The following KRT27 variants were observed in gnomAD, a reference collection of about 807,000 sequenced individuals.
The protein encoded by KRT27 is keratin 27.
KRT27 carries 30 observed loss-of-function variants against 45.3 expected under a neutral mutation model. The ratio of observed to expected loss-of-function variants is 0.66; its 90% CI spans 0.50 to 0.90. The LOEUF (loss-of-function observed/expected upper bound fraction) is 0.90. KRT27 is among the 40% of genes least tolerant of loss of function. The pLI, the probability that KRT27 is intolerant of heterozygous loss-of-function variation, is 0.00. For missense variants in KRT27, 610 were observed against 564.3 expected (o/e 1.08, Z -0.82); for synonymous variants, 204 against 223.9 (o/e 0.91, Z 0.79).
chr17:40,777,932 G>A (rs2038279121), intron 5 of KRT27, 200 bp from the exon 6 acceptor site: 2 of 618,700 alleles, frequency 3.2e-6, no homozygotes. Context: ...GACACAGCTG[G>A]TGCTGAATGT....
rs769534325 is a variant in KRT27, at chr17:40,781,281, A to C, written c.445-11T>G. Reference sequence around the variant, plus strand: ...AGTTGCAGAAATTATCTGACAAATGAAAAGTTAGTTAAGATTGAGGAAATA... The same window carrying C: ...AGTTGCAGAAATTATCTGACAAATGCAAAGTTAGTTAAGATTGAGGAAATA... On this transcript the variant is annotated splice_polypyrimidine_tract_variant and intron_variant, in intron 1 of 7. Coordinates refer to ENST00000301656, the MANE Select transcript of KRT27 (RefSeq NM_181537.4). 1 of 1,541,442 alleles carries C rather than the reference A, an allele frequency of 6.5e-7. No homozygotes were observed. The highest frequency in any genetic ancestry group is 1.1e-5 in the South Asian group (1 of 87,266).
intron 6 of KRT27, 80 bp downstream of exon 6, chr17:40,777,435 A>C (rs768580353): frequency 1.3e-6 from 2 of 1,560,258 alleles, no homozygotes; most frequent in Non-Finnish European, 1.8e-6. Flanking sequence ...GATCTAGATC[A>C]TAGATATTTT....
Position 40,776,920 on chromosome 17 carries a change from A to C in KRT27, c.*79T>G, listed in dbSNP as rs2038270570. 7.5e-7 allele frequency: 1 copy of C among 1,339,038 alleles called. No homozygotes were observed. Among genetic ancestry groups the C allele is most frequent in the African/African-American group, 1.5e-5 (1 of 68,404 alleles). The allele number at this position is 1,339,038 out of a possible 1,614,324, so 82.9% of individuals were successfully genotyped here. A position where few individuals can be genotyped will look rare whatever the true frequency, so the allele number is the denominator to read the frequency against. The stretch of plus-strand genomic sequence containing the variant: ...AATTCATTGGAAGAAAAGCAGAAAA[A>C]TAAGGGGACCCTTATTTAGGAAACT... On this transcript the variant is annotated 3_prime_UTR_variant, in exon 8 of 8. Coordinates refer to ENST00000301656, the MANE Select transcript of KRT27 (RefSeq NM_181537.4).
rs774550282 is a variant in KRT27 at position 40,782,039 on chromosome 17, GCGT to G, written c.444+8_444+10del. 1 of 1,602,866 alleles carries G rather than the reference GCGT, an allele frequency of 6.2e-7. No homozygotes were observed. Among genetic ancestry groups the G allele is most frequent in the Non-Finnish European group, 8.5e-7 (1 of 1,177,880 alleles). ...CAGGAGTGCTAACACTCACGCCATG[GCGT>G]TTCTTACCTGGTTCTTAAGTTCGTC... On this transcript the variant is annotated splice_region_variant and intron_variant, in intron 1 of 7. Transcript: ENST00000301656.
chr17:40,781,622 G>A (rs2038312536), intron 1 of KRT27, among the ~76,000 whole-genome samples: 2 of 152,172 alleles, frequency 1.3e-5, no homozygotes, highest in Admixed American at 1.3e-4. Flanking sequence ...TAGAAACAGG[G>A]TTTCACCATG....
In KRT27 at chr17:40,776,948, C is replaced by A. The variant is rs1292196917; in HGVS notation, c.*51G>T. The A allele has an allele frequency of 2.6e-6, 4 of 1,523,840 alleles. No homozygotes were observed. The African/African-American group carries it at 4.2e-5, about 16-fold the overall frequency. 94.4% of individuals were successfully genotyped at this position (1,523,840 alleles called of 1,614,324 possible). A position where few individuals can be genotyped will look rare whatever the true frequency, so the allele number is the denominator to read the frequency against. ...AGGGGACCCTTATTTAGGAAACTAG[C>A]TTCATTTTGGTATTTTAATTTGGGG... On this transcript the variant is annotated 3_prime_UTR_variant, in exon 8 of 8. Transcript: ENST00000301656.
intron 3 of KRT27, among the ~76,000 whole-genome samples, 170 bp downstream of exon 3, chr17:40,780,130 G>C (rs146100647): frequency 6.6e-6 from 1 of 152,248 alleles, no homozygotes; most frequent in East Asian, 1.9e-4. Context: ...TGGGAGGTTT[G>C]TTTCTTTTGA....
At chr17:40,778,285 T>C (rs1046495088) in intron 5 of KRT27, among the ~76,000 whole-genome samples, 1 of 152,260 alleles carries the variant, frequency 6.6e-6, no homozygotes, top group South Asian at 2.1e-4. Flanking sequence ...TTTACAGATA[T>C]ACTCAGAGGG....
Position 40,782,513 on chromosome 17 carries a change from C to A in KRT27, c.-20G>T. The stretch of plus-strand genomic sequence containing the variant: ...AGACATGGTGTCCGGAGGCTGGAGC[C>A]TTTGTTTCTGCGGTGATGCTCTGAT... On this transcript the variant is annotated 5_prime_UTR_variant, in exon 1 of 8. The change creates a new upstream start codon in the 5' untranslated region. Transcript: ENST00000301656. 3 of 1,512,388 alleles carry A rather than the reference C, an allele frequency of 2.0e-6. No individual in the cohort carries two copies. Among genetic ancestry groups the A allele is most frequent in the Non-Finnish European group, 8.9e-7 (1 of 1,129,020 alleles). 93.7% of individuals were successfully genotyped at this position (1,512,388 alleles called of 1,614,324 possible). A position where few individuals can be genotyped will look rare whatever the true frequency, so the allele number is the denominator to read the frequency against.
chr17:40,779,984 C>G, intron 3 of KRT27, 123 bp from the exon 4 acceptor site: 1 of 1,176,726 alleles, frequency 8.5e-7, no homozygotes, highest in Non-Finnish European at 1.2e-6. Context: ...TCACTGCAGC[C>G]TCGAAATCCT....
chr17:40,778,618 T>C (rs984353689), intron 5 of KRT27, among the ~76,000 whole-genome samples: 4 of 152,164 alleles, frequency 2.6e-5, no homozygotes, highest in Non-Finnish European at 5.9e-5. Context: ...TGGACTCACA[T>C]GTGGGCGGAA....
chr17:40,782,331 CA>C lies in KRT27; in HGVS notation c.162del (p.Ala55GlnfsTer32), dbSNP rs1239819365. The C allele has an allele frequency of 1.2e-6, 2 of 1,614,192 alleles. No individual in the cohort carries two copies. The highest frequency in any genetic ancestry group is 2.2e-5 in the South Asian group (2 of 91,078). ...GFSCAFGGSS[S>X]AGGYGGGLGG... ...CCCAGACCTCCGCCATAGCCTCCTG[CA>C]GATGAGCTGCCCCCAAAAGCACAAG... On this transcript the variant is annotated frameshift_variant, in exon 1 of 8. Transcript: ENST00000301656. LOFTEE classifies it high-confidence loss of function.
At chr17:40,781,324 A>G in intron 1 of KRT27, 54 bp from the exon 2 acceptor site, 1 of 1,030,954 alleles carries the variant, frequency 9.7e-7, no homozygotes, top group Non-Finnish European at 1.5e-6. Context: ...TGCATTTCAA[A>G]GTTCCTTGAA....
chr17:40,777,803 G>T, intron 5 of KRT27, 71 bp from the exon 6 acceptor site: 1 of 1,426,704 alleles, frequency 7.0e-7, no homozygotes, highest in Non-Finnish European at 9.8e-7. Context: ...GCATTTAAGA[G>T]ATAATTAAGA....
chr17:40,778,074 C>G (rs1485157919), intron 5 of KRT27: 1 of 238,326 alleles, frequency 4.2e-6, no homozygotes, highest in African/African-American at 2.2e-5. Context: ...TTACCCACAA[C>G]TAGAAGTCCG....
At chr17:40,780,205 G>A in intron 3 of KRT27, 95 bp downstream of exon 3, 1 of 1,222,118 alleles carries the variant, frequency 8.2e-7, no homozygotes, top group African/African-American at 1.5e-5. Context: ...GTTCCTTCTT[G>A]AATGTTAATT....
Position 40,777,508 on chromosome 17 carries a change from T to A in KRT27, c.1190+7A>T. The A allele has an allele frequency of 6.2e-7, 1 of 1,613,756 alleles. No individual in the cohort carries two copies. The highest frequency in any genetic ancestry group is 1.1e-5 in the South Asian group (1 of 91,070). ...TGAATTGTTTTCTCAATGGCGGCAA[T>A]ACTGACCCATCTTCTCCATCTATCA... is the stretch of plus-strand genomic sequence containing the variant. On this transcript the variant is annotated splice_region_variant and intron_variant, in intron 6 of 7. Coordinates refer to ENST00000301656, the MANE Select transcript of KRT27 (RefSeq NM_181537.4).
In KRT27 at chr17:40,779,716, G is replaced by A; in HGVS notation, c.830C>T (p.Ala277Val). ...LAEQNRRDAE[A>V]WFNEKSASLQ... ...TGGTTTTACCTTTTCGTTGAACCAG[G>A]CCTCCGCGTCCCTGCGGTTCTGCTC... Residue 277 changes from alanine to valine, a missense_variant, in exon 4 of 8, where the codon GCC becomes GTC. By Grantham distance (64) the Ala-to-Val change is moderately conservative (BLOSUM62 0). Coordinates refer to ENST00000301656, the MANE Select transcript of KRT27 (RefSeq NM_181537.4). 6.2e-7 allele frequency: 1 copy of A among 1,613,938 alleles called. No homozygotes were observed.
At chr17:40,778,670 T>C (rs1443881986) in intron 5 of KRT27, among the ~76,000 whole-genome samples, 1 of 152,230 alleles carries the variant, frequency 6.6e-6, no homozygotes, top group Non-Finnish European at 1.5e-5. Context: ...TGATTATCAT[T>C]ACACATGTTT....
Sources: gnomAD v4.1 joint callset for allele counts (sites outside exome capture counted in the v4.1 genomes callset) on GRCh38, gnomAD v4.1.1 for gene constraint, MANE v1.5 for transcripts, NCBI Gene and HGNC (gene_info 2026-07-23, HGNC 2026-07-21) for gene names.